CTU1: variants seen among roughly 807,000 people sequenced by gnomAD.
The protein encoded by CTU1 is cytosolic thiouridylase subunit 1, also known as cytoplasmic tRNA 2-thiolation protein 1.
CTU1 carries 15 observed loss-of-function variants against 12.9 expected under a neutral mutation model. The ratio of observed to expected loss-of-function variants is 1.16; its 90% CI spans 0.78 to 1.79. The LOEUF is 1.79. Among genes scored for constraint, CTU1 ranks in the 40% most tolerant of loss-of-function variants. CTU1 has a pLI of 0.00. For synonymous variants in CTU1, 295 were observed against 275.6 expected (o/e 1.07, Z -0.70); for missense variants, 553 against 550.5 (o/e 1.00, Z -0.05).
chr19:51,098,796 G>A lies in CTU1; in HGVS notation c.852C>T (p.Pro284=), dbSNP rs556405797. Residue 284 remains proline, a synonymous_variant, in exon 3 of 3, where the codon CCC becomes CCT. Transcript: ENST00000421832. The surrounding 1 kb of genome is among the most constrained non-coding windows in gnomAD (Gnocchi z 4.3). ...ALAPAARPPR[P]GACSRCGALA... is the part of the protein sequence containing the mutation. ...GCGCCCCACAGCGGGAGCAGGCGCC[G>A]GGGCGCGGGGGCCGCGCGGCCGGGG... 7 of 1,044,848 alleles carry A rather than the reference G, an allele frequency of 6.7e-6. No individual in the cohort carries two copies. Among genetic ancestry groups the A allele is most frequent in the African/African-American group, 1.7e-5 (1 of 57,930 alleles). 64.7% of individuals were successfully genotyped at this position (1,044,848 alleles called of 1,614,324 possible).
chr19:51,099,463 AC>A (rs2122789302), intron 2 of CTU1, among the ~76,000 whole-genome samples: 1 of 151,802 alleles, frequency 6.6e-6, no homozygotes, highest in Admixed American at 6.6e-5. Context: ...AGCCATGGAG[AC>A]CCTCCGGGAA....
intron 2 of CTU1, among the ~76,000 whole-genome samples, chr19:51,099,902 G>A (rs1013291389): frequency 2.6e-5 from 4 of 152,158 alleles, no homozygotes; most frequent in Admixed American, 2.6e-4. Context: ...AGAATGGTGC[G>A]TTATCCAGGT....
Position 51,098,792 on chromosome 19 carries a change from C to T in CTU1, c.856G>A (p.Ala286Thr), listed in dbSNP as rs1164087245. The T allele has an allele frequency of 5.7e-6, 6 of 1,045,862 alleles. No homozygotes were observed. The African/African-American group carries it at 8.6e-5, about 15-fold the overall frequency. The allele number at this position is 1,045,862 out of a possible 1,614,324, so 64.8% of individuals were successfully genotyped here. A position where few individuals can be genotyped will look rare whatever the true frequency, so the allele number is the denominator to read the frequency against. ...APAARPPRPG[A>T]CSRCGALASR... is the part of the protein sequence containing the mutation. ...GCCAGCGCCCCACAGCGGGAGCAGG[C>T]GCCGGGGCGCGGGGGCCGCGCGGCC... Residue 286 changes from alanine (A) to threonine (T), a missense_variant, in exon 3 of 3, where the codon GCC (alanine) becomes ACC (threonine). Physicochemically the swap from Ala to Thr is moderately conservative, Grantham distance 58. This residue lies in a region of CTU1 where 500 missense variants were observed against 458.5 expected (regional missense o/e 1.09). Coordinates refer to ENST00000421832, the MANE Select transcript of CTU1 (RefSeq NM_145232.4). This position sits in a 1 kb window ranked among gnomAD's most constrained non-coding sequence, Gnocchi z 4.3.
intron 2 of CTU1, among the ~76,000 whole-genome samples, 170 bp from the exon 3 acceptor site, chr19:51,099,309 G>A (rs1027315327): frequency 3.9e-5 from 6 of 152,136 alleles, no homozygotes; most frequent in Non-Finnish European, 5.9e-5. Flanking sequence ...AGACGGCGAC[G>A]GGGAGAGCAA....
At chr19:51,099,721 C>T (rs931756103) in intron 2 of CTU1, among the ~76,000 whole-genome samples, 2 of 152,142 alleles carry the variant, frequency 1.3e-5, no homozygotes, top group African/African-American at 4.8e-5. Flanking sequence ...GGCATTTAAC[C>T]GAGATTCTCA....
rs1435188708 is a variant in CTU1, at chr19:51,099,148, G to A, written c.509-9C>T. On this transcript the variant is annotated splice_polypyrimidine_tract_variant and intron_variant, in intron 2 of 2. Transcript: ENST00000421832. ...GTCGTCGGCGTTGTGACCTGGTGGG[G>A]AGAGAAGGGAGCGGGTGAGGTGGGG... is the stretch of plus-strand genomic sequence containing the variant. The A allele has an allele frequency of 6.4e-7, 1 of 1,568,260 alleles. No homozygotes were observed. The highest frequency in any genetic ancestry group is 2.4e-5 in the East Asian group (1 of 42,548).
At position 51,104,597 on chromosome 19, in the gene CTU1, A is replaced by G. The variant is rs2091915785; in HGVS notation, c.-21-7T>C. ...CGGGAGGGGTCGGCTTCTCCTAGAC[A>G]GGGAGAGAGAGGAGGTGGGTTACAT... is the stretch of plus-strand genomic sequence containing the variant. On this transcript the variant is annotated splice_polypyrimidine_tract_variant and splice_region_variant and intron_variant, in intron 1 of 2. Transcript: ENST00000421832. 8.1e-7 allele frequency: 1 copy of G among 1,234,524 alleles called. No individual in the cohort carries two copies. Among genetic ancestry groups the G allele is most frequent in the Non-Finnish European group, 1.0e-6 (1 of 988,276 alleles). The allele number at this position is 1,234,524 out of a possible 1,614,324, so 76.5% of individuals were successfully genotyped here.
At chr19:51,101,007 C>T (rs972248157) in intron 2 of CTU1, among the ~76,000 whole-genome samples, 2 of 151,384 alleles carry the variant, frequency 1.3e-5, no homozygotes, top group Non-Finnish European at 2.9e-5. Context: ...GACAGTGGCA[C>T]GATCTCAGCT....
At chr19:51,101,886 C>T (rs2091907785) in intron 2 of CTU1, among the ~76,000 whole-genome samples, 1 of 152,134 alleles carries the variant, frequency 6.6e-6, no homozygotes, top group Admixed American at 6.5e-5. Flanking sequence ...AGTGTATAAA[C>T]AAAGGGTAGA....
Position 51,098,880 on chromosome 19 carries a change from C to A in CTU1, c.768G>T (p.Glu256Asp). ...CCAGCACCGCGGACGGCCGCGCCGC[C>A]TCCAGGCGCTTGAGCAGGTCCCGGG... ...GHARDLLKRL[E>D]AARPSAVLDL... Residue 256 changes from glutamate (E) to aspartate (D), a missense_variant, in exon 3 of 3, where the codon GAG becomes GAT. Coordinates refer to ENST00000421832, the MANE Select transcript of CTU1 (RefSeq NM_145232.4). This position sits in a 1 kb window ranked among gnomAD's most constrained non-coding sequence, Gnocchi z 4.3. 1 of 1,462,662 alleles carries A rather than the reference C, an allele frequency of 6.8e-7. No homozygotes were observed. The highest frequency in any genetic ancestry group is 9.0e-7 in the Non-Finnish European group (1 of 1,106,536). The allele number at this position is 1,462,662 out of a possible 1,614,324, so 90.6% of individuals were successfully genotyped here. A position where few individuals can be genotyped will look rare whatever the true frequency, so the allele number is the denominator to read the frequency against.
rs754033712 is a variant in CTU1 at position 51,104,230 on chromosome 19, T to C, written c.340A>G (p.Thr114Ala). The change falls in exon 2 of 3, where the codon ACG becomes GCG. Residue 114 changes from threonine (T) to alanine (A), a missense_variant. Around this residue, in one of 2 missense-constraint regions of CTU1, gnomAD observed 500 missense variants for 458.5 expected, o/e 1.09. Coordinates refer to ENST00000421832, the MANE Select transcript of CTU1 (RefSeq NM_145232.4). ...RQAARWELPLTVVAYEDLFGG... is the reference protein window; with the variant it reads ...RQAARWELPLAVVAYEDLFGG... The stretch of plus-strand genomic sequence containing the variant: ...AAGAGGTCTTCGTAGGCCACGACCG[T>C]GAGCGGCAGCTCCCAGCGCGCCGCC... 1 of 1,515,690 alleles carries C rather than the reference T, an allele frequency of 6.6e-7. No individual in the cohort carries two copies. The highest frequency in any genetic ancestry group is 1.2e-5 in the South Asian group (1 of 82,130). 93.9% of individuals were successfully genotyped at this position (1,515,690 alleles called of 1,614,324 possible). A position where few individuals can be genotyped will look rare whatever the true frequency, so the allele number is the denominator to read the frequency against.
chr19:51,104,382 T>C lies in CTU1; in HGVS notation c.188A>G (p.Asp63Gly). 7.5e-7 allele frequency: 1 copy of C among 1,324,630 alleles called. No homozygotes were observed. Among genetic ancestry groups the C allele is most frequent in the Non-Finnish European group, 9.6e-7 (1 of 1,039,048 alleles). 82.1% of individuals were successfully genotyped at this position (1,324,630 alleles called of 1,614,324 possible). The part of the protein sequence containing the change: ...VVAVGASGGK[D>G]STVLAHVLRA... The stretch of plus-strand genomic sequence containing the variant: ...CAGCACGTGCGCCAGCACCGTGGAG[T>C]CCTTGCCGCCCGAGGCGCCCACGGC... Residue 63 changes from aspartate to glycine, a missense_variant, in exon 2 of 3, where the codon GAC becomes GGC. By Grantham distance (94) the Asp-to-Gly change is moderately conservative (BLOSUM62 -1). Transcript: ENST00000421832.
At position 51,104,284 on chromosome 19, in the gene CTU1, C is replaced by T. The variant is rs2091914416; in HGVS notation, c.286G>A (p.Asp96Asn). The T allele has an allele frequency of 6.7e-7, 1 of 1,501,208 alleles. No homozygotes were observed. The highest frequency in any genetic ancestry group is 1.4e-5 in the African/African-American group (1 of 69,008). The allele number at this position is 1,501,208 out of a possible 1,614,324, so 93.0% of individuals were successfully genotyped here. The change falls in exon 2 of 3, where the codon GAC becomes AAC. Residue 96 changes from aspartate to asparagine, a missense_variant. Coordinates refer to ENST00000421832, the MANE Select transcript of CTU1 (RefSeq NM_145232.4). ...CGCCGCACGGCCGCCAACGCCGCGT[C>T]CCGGTAGCCACCGATGCCCTCATCG... ...AVDEGIGGYR[D>N]AALAAVRRQA...
In CTU1 at chr19:51,099,129, G is replaced by A. The variant is rs1379238738; in HGVS notation, c.519C>T (p.Ala173=). 24 of 1,568,890 alleles carry A rather than the reference G, an allele frequency of 1.5e-5. No individual in the cohort carries two copies. The highest frequency in any genetic ancestry group is 2.0e-5 in the Non-Finnish European group (23 of 1,166,966). Residue 173 remains alanine (A), a synonymous_variant, in exon 3 of 3, where the codon GCC becomes GCT. Transcript: ENST00000421832. ...GATHIVTGHN[A]DDMAETVLMN... The stretch of plus-strand genomic sequence containing the variant: ...TGAGCACGGTCTCCGCCATGTCGTC[G>A]GCGTTGTGACCTGGTGGGGAGAGAA...
Position 51,104,265 on chromosome 19 carries a change from ACGG to A in CTU1, c.302_304del (p.Ala101del). 1 of 1,504,596 alleles carries A rather than the reference ACGG, an allele frequency of 6.6e-7. No homozygotes were observed. Among genetic ancestry groups the A allele is most frequent in the South Asian group, 1.2e-5 (1 of 82,246 alleles). 93.2% of individuals were successfully genotyped at this position (1,504,596 alleles called of 1,614,324 possible). A position where few individuals can be genotyped will look rare whatever the true frequency, so the allele number is the denominator to read the frequency against. On this transcript the variant is annotated inframe_deletion, in exon 2 of 3. Coordinates refer to ENST00000421832, the MANE Select transcript of CTU1 (RefSeq NM_145232.4). ...CTCCCAGCGCGCCGCCTGGCGCCGCACGGCCGCCAACGCCGCGTCCCGGTAGCC... is the reference window on the plus strand; with the variant it reads ...CTCCCAGCGCGCCGCCTGGCGCCGCACCGCCAACGCCGCGTCCCGGTAGCC...
chr19:51,103,918 AG>A (rs1197668563), intron 2 of CTU1, 143 bp downstream of exon 2: 2 of 854,138 alleles, frequency 2.3e-6, no homozygotes, highest in Non-Finnish European at 3.3e-6. Context: ...ACCTCCGTAC[AG>A]GGATCCTCCC....
At position 51,097,779 on chromosome 19, in the gene CTU1, G is replaced by A. The variant is rs1198263043; in HGVS notation, c.*822C>T. On this transcript the variant is annotated 3_prime_UTR_variant, in exon 3 of 3. Coordinates refer to ENST00000421832, the MANE Select transcript of CTU1 (RefSeq NM_145232.4). ...GTCACCGACAGGCTCACACAACCCT[G>A]CCTCCAGAGTCCAAGGTTTGGGGAA... 1 of 152,194 alleles carries A rather than the reference G, an allele frequency of 6.6e-6. No homozygotes were observed. The highest frequency in any genetic ancestry group is 1.5e-5 in the Non-Finnish European group (1 of 68,084). The allele number at this position is 152,194 out of a possible 1,614,324, so 9.4% of individuals were successfully genotyped here. A position where few individuals can be genotyped will look rare whatever the true frequency, so the allele number is the denominator to read the frequency against.
rs2091893519 is a variant in CTU1, at chr19:51,097,694, G to GATGGGGGGT, written c.*906_*907insACCCCCCAT. ...GCCTTGATGCGGGGGGGATGGGGGGGCGGGGGGGAAGGGGGCTGATTATAT... is the reference window on the plus strand; with the variant it reads ...GCCTTGATGCGGGGGGGATGGGGGGGATGGGGGGTCGGGGGGGAAGGGGGCTGATTATAT... On this transcript the variant is annotated 3_prime_UTR_variant, in exon 3 of 3. Transcript: ENST00000421832. The GATGGGGGGT allele has an allele frequency of 6.8e-6, 1 of 146,504 alleles. No individual in the cohort carries two copies. The highest frequency in any genetic ancestry group is 2.5e-5 in the African/African-American group (1 of 39,702). 9.1% of individuals were successfully genotyped at this position (146,504 alleles called of 1,614,324 possible).
In CTU1 at chr19:51,098,922, C is replaced by G. The variant is rs772400575; in HGVS notation, c.726G>C (p.Glu242Asp). ...YFSEECVYAP[E>D]AFRGHARDLL... The stretch of plus-strand genomic sequence containing the variant: ...GGTCCCGGGCGTGGCCGCGGAAGGC[C>G]TCGGGCGCGTAGACGCACTCCTCGG... The change falls in exon 3 of 3, where the codon GAG becomes GAC. Residue 242 changes from glutamate (E) to aspartate (D), a missense_variant. Glu to Asp is a conservative substitution (Grantham distance 45, BLOSUM62 2). Transcript: ENST00000421832. This position sits in a 1 kb window ranked among gnomAD's most constrained non-coding sequence, Gnocchi z 4.3. 7 of 1,529,378 alleles carry G rather than the reference C, an allele frequency of 4.6e-6. No individual in the cohort carries two copies. Among genetic ancestry groups the G allele is most frequent in the Middle Eastern group, 3.7e-4 (2 of 5,348 alleles). 94.7% of individuals were successfully genotyped at this position (1,529,378 alleles called of 1,614,324 possible). A position where few individuals can be genotyped will look rare whatever the true frequency, so the allele number is the denominator to read the frequency against.
Sources: allele counts gnomAD v4.1 joint callset (sites outside exome capture counted in the v4.1 genomes callset), GRCh38; gene constraint gnomAD v4.1.1; regional missense constraint gnomAD v4.1.1; non-coding constraint Gnocchi (gnomAD v3.1); transcripts MANE v1.5; gene names NCBI Gene and HGNC (gene_info 2026-07-23, HGNC 2026-07-21).